ADAM23: variants seen among roughly 807,000 people sequenced by gnomAD.
ADAM23 encodes disintegrin and metalloproteinase domain-containing protein 23.
A neutral mutation model predicts 120.1 loss-of-function variants in ADAM23; 33 were observed. That is an observed-to-expected ratio of 0.27 (90% confidence interval 0.21 to 0.37). ADAM23 has a LOEUF of 0.37. Among genes scored for constraint, ADAM23 ranks in the 10% least tolerant of loss-of-function variants. The pLI is 1.00. For synonymous variants in ADAM23, 367 were observed against 375.2 expected (o/e 0.98, Z 0.25); for missense variants, 862 against 1,058.2 (o/e 0.81, Z 2.57).
At chr2:206,566,953 A>G (rs1366984817) in intron 14 of ADAM23, among the ~76,000 whole-genome samples, 3 of 152,198 alleles carry the variant, frequency 2.0e-5, no homozygotes, top group Non-Finnish European at 4.4e-5. Context: ...AGCTTTTTAA[A>G]AAACATTTCA....
At chr2:206,583,321 A>G (rs1366169441) in intron 18 of ADAM23, among the ~76,000 whole-genome samples, 3 of 152,060 alleles carry the variant, frequency 2.0e-5, no homozygotes, top group East Asian at 1.9e-4. Flanking sequence ...GGGCGTGGTA[A>G]CGAGCGCCTA....
chr2:206,444,512 G>A (rs149449130), intron 1 of ADAM23, among the ~76,000 whole-genome samples: 3 of 152,236 alleles, frequency 2.0e-5, no homozygotes, highest in Admixed American at 6.5e-5. Flanking sequence ...CATTCAGTGC[G>A]GTTGGAATTA....
intron 15 of ADAM23, among the ~76,000 whole-genome samples, chr2:206,567,699 C>G (rs985061808): frequency 5.3e-5 from 8 of 152,088 alleles, no homozygotes; most frequent in African/African-American, 1.9e-4. Flanking sequence ...GATAAAAATT[C>G]CATTTCTCCT....
At position 206,518,802 on chromosome 2, in the gene ADAM23, A is replaced by C. The variant is rs375533619; in HGVS notation, c.510-12083A>C. On this transcript the variant is annotated intron_variant, in intron 3 of 25. Transcript: ENST00000264377. ...GAAGAAAATTTCAGCAGCTCTTTAC[A>C]GCATATAGGCAATACGAATAGAACT... Among the ~76,000 whole-genome samples, 30 of 152,332 alleles carry C rather than the reference A, an allele frequency of 2.0e-4. No homozygotes were observed. In the East Asian group the frequency reaches 5.0e-3, roughly 25 times the overall value.
intron 10 of ADAM23, 112 bp from the exon 11 acceptor site, chr2:206,559,843 C>T (rs1159663881): frequency 4.7e-6 from 4 of 847,358 alleles, no homozygotes; most frequent in Non-Finnish European, 5.3e-6. Flanking sequence ...CTAATTATGA[C>T]CCCGTGTTCT....
intron 17 of ADAM23, 90 bp from the exon 18 acceptor site, chr2:206,573,025 G>A: frequency 7.9e-7 from 1 of 1,260,124 alleles, no homozygotes; most frequent in Non-Finnish European, 1.2e-6. Flanking sequence ...TTATGCGAGA[G>A]TATAGGCATT....
chr2:206,519,556 A>G (rs570361045), intron 3 of ADAM23, among the ~76,000 whole-genome samples: 5 of 152,276 alleles, frequency 3.3e-5, no homozygotes, highest in East Asian at 1.9e-4. Flanking sequence ...GCCACTTTGT[A>G]TGATAGTAGT....
At position 206,576,128 on chromosome 2, in the gene ADAM23, A is replaced by G. The variant is rs183159157; in HGVS notation, c.1737+2933A>G. 2.7e-3 allele frequency among the ~76,000 whole-genome samples: 416 copies of G among 152,064 alleles called. 1 individual carries two copies. Among genetic ancestry groups the G allele is most frequent in the African/African-American group, 9.1e-3 (376 of 41,472 alleles). ...CAATATATAAATAGGTTTTTTTGCA[A>G]TTTTCTGTAATATAATGACAAAGTA... On this transcript the variant is annotated intron_variant, in intron 18 of 25. Coordinates refer to ENST00000264377, the MANE Select transcript of ADAM23 (RefSeq NM_003812.4).
chr2:206,546,804 C>T (rs540736826), intron 6 of ADAM23, among the ~76,000 whole-genome samples: 2 of 152,102 alleles, frequency 1.3e-5, no homozygotes, highest in Admixed American at 6.5e-5. Flanking sequence ...ATAATGTGTA[C>T]ATTAACAGTA....
chr2:206,527,757 C>G (rs1696971908), intron 3 of ADAM23, among the ~76,000 whole-genome samples: 1 of 152,092 alleles, frequency 6.6e-6, no homozygotes. Context: ...TAATTAGTTT[C>G]AAGGGAGGCT....
At chr2:206,582,157 C>T (rs1198238097) in intron 18 of ADAM23, among the ~76,000 whole-genome samples, 3 of 152,158 alleles carry the variant, frequency 2.0e-5, no homozygotes, top group African/African-American at 7.2e-5. Flanking sequence ...GGATTACAGG[C>T]GTGAGCCACC....
chr2:206,548,640 T>C (rs570834433), intron 8 of ADAM23, among the ~76,000 whole-genome samples: 2 of 152,340 alleles, frequency 1.3e-5, no homozygotes, highest in South Asian at 4.1e-4. Context: ...CTGATGATAA[T>C]TGCAGTGCGT....
At chr2:206,533,235 T>A (rs944602506) in intron 4 of ADAM23, among the ~76,000 whole-genome samples, 13 of 152,150 alleles carry the variant, frequency 8.5e-5, no homozygotes, top group African/African-American at 3.1e-4. Context: ...GAGTTTTGCT[T>A]TTACTGCCCA....
intron 4 of ADAM23, among the ~76,000 whole-genome samples, chr2:206,531,901 G>T (rs767586032): frequency 1.3e-5 from 2 of 152,150 alleles, no homozygotes; most frequent in Non-Finnish European, 2.9e-5. Context: ...ATGTTTATAG[G>T]TGTCCTTCAT....
chr2:206,509,031 G>T (rs1214495834), intron 3 of ADAM23, among the ~76,000 whole-genome samples: 3 of 152,222 alleles, frequency 2.0e-5, no homozygotes, highest in Non-Finnish European at 4.4e-5. Context: ...TTAGAGACCT[G>T]TTGTCACCAA....
intron 6 of ADAM23, among the ~76,000 whole-genome samples, chr2:206,545,827 C>T (rs1285932213): frequency 6.6e-6 from 1 of 152,192 alleles, no homozygotes; most frequent in African/African-American, 2.4e-5. Context: ...AAAACTCTGA[C>T]TTTGATTTCT....
intron 2 of ADAM23, among the ~76,000 whole-genome samples, chr2:206,473,659 C>T (rs1414023680): frequency 6.6e-6 from 1 of 151,564 alleles, no homozygotes; most frequent in Non-Finnish European, 1.5e-5. Flanking sequence ...ATTTTTCACT[C>T]TTTTCAGTTA....
chr2:206,460,602 T>C (rs991990645), intron 2 of ADAM23, among the ~76,000 whole-genome samples: 17 of 152,234 alleles, frequency 1.1e-4, no homozygotes, highest in African/African-American at 4.1e-4. Flanking sequence ...TTGTTGCTGC[T>C]GAGTTGTAGG....
intron 24 of ADAM23, among the ~76,000 whole-genome samples, chr2:206,597,842 T>C (rs1698559795): frequency 6.6e-6 from 1 of 152,330 alleles, no homozygotes; most frequent in South Asian, 2.1e-4. Flanking sequence ...TGGGAAAAGA[T>C]GATTTCAGAT....
Sources: allele counts gnomAD v4.1 joint callset (sites outside exome capture counted in the v4.1 genomes callset), GRCh38; gene constraint gnomAD v4.1.1; transcripts MANE v1.5; gene names NCBI Gene and HGNC (gene_info 2026-07-23, HGNC 2026-07-21).